Variants in CPED1 observed in about 807,000 individuals in gnomAD.
The protein encoded by CPED1 is cadherin-like and PC-esterase domain-containing protein 1.
CPED1 carries 114 observed loss-of-function variants against 128.2 expected under a neutral mutation model. The ratio of observed to expected loss-of-function variants is 0.89; its 90% CI spans 0.76 to 1.04. CPED1 has a LOEUF of 1.04. Among genes scored for constraint, CPED1 ranks in the 50% least tolerant of loss-of-function variants. CPED1 has a pLI of 0.00. For missense variants in CPED1, 1,211 were observed against 1,207.1 expected, an observed-to-expected ratio of 1.00 and a Z score of -0.05; for synonymous variants, 462 against 426.7, an observed-to-expected ratio of 1.08 and a Z score of -1.02.
At chr7:121,058,425 C>A (rs1793558929) in intron 4 of CPED1, among the ~76,000 whole-genome samples, 1 of 152,084 alleles carries the variant, frequency 6.6e-6, no homozygotes, top group African/African-American at 2.4e-5. Context: ...TGGCTAGATC[C>A]TGAAGACATT....
At chr7:121,015,951 A>G (rs1792291549) in intron 3 of CPED1, 103 bp downstream of exon 3, 2 of 824,516 alleles carry the variant, frequency 2.4e-6, no homozygotes, top group Non-Finnish European at 1.7e-6. Flanking sequence ...ATAAAAACAA[A>G]TATTTATCCA....
intron 16 of CPED1, among the ~76,000 whole-genome samples, chr7:121,179,965 G>A (rs1381474414): frequency 1.3e-5 from 2 of 151,864 alleles, no homozygotes; most frequent in Admixed American, 1.3e-4. Flanking sequence ...ATACACACTG[G>A]GATCTAAAAT....
chr7:121,253,368 C>T (rs538715284), intron 18 of CPED1, among the ~76,000 whole-genome samples: 51 of 151,138 alleles, frequency 3.4e-4, no homozygotes, highest in Middle Eastern at 3.4e-3. Flanking sequence ...TTCTAAATGA[C>T]GAGTTAATGG....
intron 3 of CPED1, among the ~76,000 whole-genome samples, chr7:121,040,554 A>G (rs1356000640): frequency 6.6e-6 from 1 of 152,070 alleles, no homozygotes. Context: ...ATTTATCATC[A>G]ATAAGCTAAA....
rs186095594 is a variant in CPED1 at position 121,060,828 on chromosome 7, C to T, written c.541-3410C>T. Among the ~76,000 whole-genome samples, 980 of 152,310 alleles carry T rather than the reference C, an allele frequency of 6.4e-3. 7 individuals carry two copies. Among genetic ancestry groups the T allele is most frequent in the Non-Finnish European group, 8.8e-3 (598 of 68,030 alleles). On this transcript the variant is annotated intron_variant, in intron 4 of 22. Transcript: ENST00000310396. The stretch of plus-strand genomic sequence containing the variant: ...GTTGTGGAAGCTTTGTTCTTTTGCG[C>T]TTTGCAATAAATCTTGCTGCTGCTC...
intron 3 of CPED1, among the ~76,000 whole-genome samples, chr7:121,019,602 A>G (rs979460428): frequency 1.3e-5 from 2 of 152,024 alleles, no homozygotes; most frequent in Non-Finnish European, 1.5e-5. Context: ...CTATTATGCT[A>G]TTACATTGCC....
chr7:121,028,569 G>A (rs540880301), intron 3 of CPED1, among the ~76,000 whole-genome samples: 2 of 152,326 alleles, frequency 1.3e-5, no homozygotes, highest in East Asian at 3.9e-4. Flanking sequence ...AATTTAGACT[G>A]TCTTTGGACA....
intron 16 of CPED1, among the ~76,000 whole-genome samples, chr7:121,173,805 C>T (rs1242051689): frequency 6.6e-6 from 1 of 152,032 alleles, no homozygotes; most frequent in Non-Finnish European, 1.5e-5. Flanking sequence ...GAGGAATTGC[C>T]TGACTGCTTT....
intron 3 of CPED1, among the ~76,000 whole-genome samples, chr7:121,025,494 G>A (rs180881250): frequency 1.3e-5 from 2 of 152,198 alleles, no homozygotes; most frequent in East Asian, 1.9e-4. Flanking sequence ...AATTCACTGA[G>A]GTAATTTCTC....
chr7:121,291,591 G>A (rs895958796), intron 22 of CPED1, among the ~76,000 whole-genome samples: 2 of 152,104 alleles, frequency 1.3e-5, no homozygotes, highest in East Asian at 3.9e-4. Flanking sequence ...TCATGATTTA[G>A]CACTCTGTTT....
chr7:121,036,292 A>G (rs1254751076), intron 3 of CPED1, among the ~76,000 whole-genome samples: 1 of 152,048 alleles, frequency 6.6e-6, no homozygotes, highest in African/African-American at 2.4e-5. Context: ...CTTTTCCCCA[A>G]ATCCCCACAT....
At chr7:121,260,795 A>G (rs1004377014) in intron 18 of CPED1, among the ~76,000 whole-genome samples, 1 of 152,084 alleles carries the variant, frequency 6.6e-6, no homozygotes, top group Non-Finnish European at 1.5e-5. Flanking sequence ...TTGTGTTGAA[A>G]TCTACGTGCA....
intron 3 of CPED1, among the ~76,000 whole-genome samples, chr7:121,018,204 A>G (rs1792353569): frequency 6.6e-6 from 1 of 152,210 alleles, no homozygotes; most frequent in African/African-American, 2.4e-5. Context: ...TATAAAAAGA[A>G]AACATTTTTA....
chr7:121,228,090 G>C (rs1463971421), intron 16 of CPED1, among the ~76,000 whole-genome samples: 1 of 151,976 alleles, frequency 6.6e-6, no homozygotes, highest in African/African-American at 2.4e-5. Flanking sequence ...CATTGGTTTA[G>C]GCAAATAATT....
At chr7:120,993,648 T>C (rs1349407418) in intron 2 of CPED1, among the ~76,000 whole-genome samples, 1 of 152,196 alleles carries the variant, frequency 6.6e-6, no homozygotes, top group African/African-American at 2.4e-5. Context: ...GAAATAGAAC[T>C]GGAGGCAAAC....
intron 3 of CPED1, among the ~76,000 whole-genome samples, chr7:121,042,080 C>G (rs1293405115): frequency 6.6e-6 from 1 of 150,972 alleles, no homozygotes; most frequent in Non-Finnish European, 1.5e-5. Context: ...TAAGCCTGAT[C>G]AGGAAGTTCT....
intron 18 of CPED1, 126 bp from the exon 19 acceptor site, chr7:121,266,101 A>G (rs1257296164): frequency 2.9e-6 from 2 of 688,884 alleles, no homozygotes; most frequent in East Asian, 2.6e-5. Context: ...ATTTCTAACA[A>G]TTTGAAGGGC....
chr7:121,013,433 T>C (rs1215270152), intron 2 of CPED1, among the ~76,000 whole-genome samples: 1 of 152,246 alleles, frequency 6.6e-6, no homozygotes, highest in Non-Finnish European at 1.5e-5. Flanking sequence ...TTTCATTATG[T>C]TCATCACACA....
chr7:121,047,474 A>G lies in CPED1; in HGVS notation c.540+481A>G, dbSNP rs150214994. Among the ~76,000 whole-genome samples, 482 of 152,204 alleles carry G rather than the reference A, an allele frequency of 3.2e-3. 4 individuals are homozygous for G. The highest frequency in any genetic ancestry group is 0.011 in the African/African-American group (457 of 41,514). ...TAGAAAACTTAACTAAAAAAATCCA[A>G]TGTTTACCATGTGCTAATCACTGTG... On this transcript the variant is annotated intron_variant, in intron 4 of 22. Transcript: ENST00000310396.
Sources: gnomAD v4.1 joint callset for allele counts (sites outside exome capture counted in the v4.1 genomes callset) on GRCh38, gnomAD v4.1.1 for gene constraint, MANE v1.5 for transcripts, NCBI Gene and HGNC (gene_info 2026-07-23, HGNC 2026-07-21) for gene names.